Variants in ARHGAP15 observed in about 807,000 individuals in gnomAD.
ARHGAP15 encodes the protein Rho GTPase activating protein 15.
ARHGAP15 carries 51 observed loss-of-function variants against 63.7 expected under a neutral mutation model. The ratio of observed to expected loss-of-function variants is 0.80; its 90% CI spans 0.64 to 1.01. ARHGAP15 has a LOEUF of 1.01. Ranked by LOEUF, ARHGAP15 falls within the 50% of genes least tolerant of loss-of-function variation. The pLI is 0.00. For synonymous variants in ARHGAP15, 191 were observed against 193.8 expected, an observed-to-expected ratio of 0.99 and a Z score of 0.12; for missense variants, 560 against 564.6, an observed-to-expected ratio of 0.99 and a Z score of 0.08.
chr2:143,198,433 C>A (rs1276302790), intron 2 of ARHGAP15, among the ~76,000 whole-genome samples: 1 of 151,702 alleles, frequency 6.6e-6, no homozygotes, highest in Non-Finnish European at 1.5e-5. Flanking sequence ...ATATTTCATA[C>A]CATAAATTAC....
At chr2:143,758,271 AGTGT>A (rs760300180) in intron 13 of ARHGAP15, among the ~76,000 whole-genome samples, 1 of 151,310 alleles carries the variant, frequency 6.6e-6, no homozygotes, top group Non-Finnish European at 1.5e-5. Context: ...TTTATATACA[AGTGT>A]GTGTGTATAT....
At chr2:143,501,328 T>A (rs548883073) in intron 9 of ARHGAP15, among the ~76,000 whole-genome samples, 1 of 152,220 alleles carries the variant, frequency 6.6e-6, no homozygotes, top group Non-Finnish European at 1.5e-5. Flanking sequence ...AATGTTACAA[T>A]GAGCATGTTA....
chr2:143,130,026 T>A (rs991974299), intron 1 of ARHGAP15, among the ~76,000 whole-genome samples: 4 of 152,132 alleles, frequency 2.6e-5, no homozygotes. Flanking sequence ...ACTTGAAATT[T>A]TTTTTCTAAA....
chr2:143,229,724 C>T (rs897482752), intron 5 of ARHGAP15, among the ~76,000 whole-genome samples: 1 of 152,138 alleles, frequency 6.6e-6, no homozygotes, highest in Non-Finnish European at 1.5e-5. Context: ...CTTTGCTCTC[C>T]AGCCACTAGT....
chr2:143,713,956 C>T (rs1684697958), intron 13 of ARHGAP15, among the ~76,000 whole-genome samples: 1 of 152,178 alleles, frequency 6.6e-6, no homozygotes, highest in African/African-American at 2.4e-5. Flanking sequence ...ACAGTGTAAG[C>T]TGTTGGTGGA....
intron 6 of ARHGAP15, among the ~76,000 whole-genome samples, chr2:143,271,613 C>T (rs955132114): frequency 2.0e-5 from 3 of 152,180 alleles, no homozygotes; most frequent in Admixed American, 2.0e-4. Context: ...GTAGCTGGGA[C>T]CACAGGTGCC....
At chr2:143,207,082 G>A (rs150584510) in intron 3 of ARHGAP15, among the ~76,000 whole-genome samples, 91 of 151,582 alleles carry the variant, frequency 6.0e-4, no homozygotes, top group Middle Eastern at 3.4e-3. Context: ...TTTTAATTGT[G>A]TATTTTCTAT....
At chr2:143,451,971 A>C (rs1690427793) in intron 8 of ARHGAP15, among the ~76,000 whole-genome samples, 1 of 152,066 alleles carries the variant, frequency 6.6e-6, no homozygotes, top group Non-Finnish European at 1.5e-5. Flanking sequence ...CAACTAACTA[A>C]AAATCAGCAG....
intron 8 of ARHGAP15, among the ~76,000 whole-genome samples, chr2:143,451,714 T>A (rs1303982620): frequency 1.3e-5 from 2 of 152,016 alleles, no homozygotes; most frequent in Non-Finnish European, 1.5e-5. Flanking sequence ...AGATGTGCCC[T>A]GTGTTTTTCT....
chr2:143,448,493 G>A (rs1690249433), intron 8 of ARHGAP15, among the ~76,000 whole-genome samples: 1 of 151,990 alleles, frequency 6.6e-6, no homozygotes, highest in Non-Finnish European at 1.5e-5. Flanking sequence ...TATTAGAATA[G>A]ACCATGTACC....
intron 4 of ARHGAP15, among the ~76,000 whole-genome samples, chr2:143,226,461 T>G (rs1468047464): frequency 1.3e-5 from 2 of 152,350 alleles, no homozygotes; most frequent in South Asian, 4.1e-4. Context: ...TGACCACGTA[T>G]GGTCAAAATA....
intron 8 of ARHGAP15, among the ~76,000 whole-genome samples, chr2:143,467,991 G>A (rs1007706976): frequency 6.6e-6 from 1 of 152,050 alleles, no homozygotes; most frequent in Non-Finnish European, 1.5e-5. Context: ...ATTTGAGTAT[G>A]TTCGTTGTAG....
intron 1 of ARHGAP15, among the ~76,000 whole-genome samples, chr2:143,153,920 T>C (rs1247381561): frequency 7.2e-6 from 1 of 138,986 alleles, no homozygotes; most frequent in East Asian, 2.3e-4. Flanking sequence ...TCTTTTTTTT[T>C]CGGTTTCTTT....
At chr2:143,728,125 G>A (rs1290637252) in intron 13 of ARHGAP15, among the ~76,000 whole-genome samples, 1 of 152,172 alleles carries the variant, frequency 6.6e-6, no homozygotes, top group African/African-American at 2.4e-5. Flanking sequence ...ACTTCTGGAG[G>A]CTGGAAGTCC....
intron 2 of ARHGAP15, among the ~76,000 whole-genome samples, chr2:143,168,959 C>G (rs1214948921): frequency 6.6e-6 from 1 of 152,002 alleles, no homozygotes; most frequent in Non-Finnish European, 1.5e-5. Context: ...TTTTTGGGAG[C>G]ATCTCTGCTT....
intron 8 of ARHGAP15, among the ~76,000 whole-genome samples, chr2:143,440,903 A>G (rs1558973501): frequency 6.6e-6 from 1 of 152,186 alleles, no homozygotes; most frequent in Non-Finnish European, 1.5e-5. Context: ...ATTGTCTTCC[A>G]CTGACAGCAA....
intron 3 of ARHGAP15, among the ~76,000 whole-genome samples, chr2:143,212,506 G>C (rs1464605505): frequency 1.3e-5 from 2 of 152,160 alleles, no homozygotes; most frequent in Non-Finnish European, 2.9e-5. Flanking sequence ...ACTTAGTTCA[G>C]GGACTGCTAC....
At chr2:143,432,788 GC>G (rs1689444717) in intron 6 of ARHGAP15, among the ~76,000 whole-genome samples, 1 of 152,024 alleles carries the variant, frequency 6.6e-6, no homozygotes, top group African/African-American at 2.4e-5. Context: ...TTACTTTGGT[GC>G]CCTGATATAT....
At chr2:143,744,581 G>A (rs1318394475) in intron 13 of ARHGAP15, among the ~76,000 whole-genome samples, 1 of 152,160 alleles carries the variant, frequency 6.6e-6, no homozygotes, top group Non-Finnish European at 1.5e-5. Context: ...CTGCAAAGAG[G>A]CGCCGCACAA....
Sources: allele counts gnomAD v4.1 joint callset (sites outside exome capture counted in the v4.1 genomes callset), GRCh38; gene constraint gnomAD v4.1.1; transcripts MANE v1.5; gene names NCBI Gene and HGNC (gene_info 2026-07-23, HGNC 2026-07-21).